MAP4: variants seen among roughly 807,000 people sequenced by gnomAD.
MAP4 encodes microtubule-associated protein 4.
Under a neutral mutation model 170.2 loss-of-function variants are expected in MAP4, and 76 were observed. The observed-to-expected ratio is 0.45, with a 90% CI of 0.37 to 0.54. The LOEUF (loss-of-function observed/expected upper bound fraction) is 0.54. Ranked by LOEUF, MAP4 falls within the 20% of genes least tolerant of loss-of-function variation. The probability of loss-of-function intolerance (pLI) is 0.00; values close to 1 mark genes in which losing one functional copy is unlikely to be tolerated. For synonymous variants in MAP4, 909 were observed against 994.5 expected (o/e 0.91, Z 1.62); for missense variants, 2,506 against 2,748.0 (o/e 0.91, Z 1.97).
intron 17 of MAP4, among the ~76,000 whole-genome samples, chr3:47,858,631 T>C (rs1181803247): frequency 1.3e-5 from 2 of 151,272 alleles, no homozygotes; most frequent in African/African-American, 4.9e-5. Context: ...TGTGTGTGTG[T>C]GTGTGTGTGT....
Position 47,910,142 on chromosome 3 carries a change from T to G in MAP4, c.4279A>C (p.Asn1427His), listed in dbSNP as rs370425325. 2 of 1,613,902 alleles carry G rather than the reference T, an allele frequency of 1.2e-6. No individual in the cohort carries two copies. The highest frequency in any genetic ancestry group is 2.7e-5 in the African/African-American group (2 of 74,930). ...TCPRTPSELI[N>H]KSSPLEVLES... ...AGAACCTCTAGAGGAGATGATTTAT[T>G]TATCAGCTCTGATGGTGTTCTGGGA... Residue 1427 changes from asparagine to histidine, a missense_variant, in exon 9 of 21, where the codon AAT becomes CAT. By Grantham distance (68) the Asn-to-His change is moderately conservative. Coordinates refer to ENST00000683076, the MANE Select transcript of MAP4 (RefSeq NM_001385682.1).
chr3:47,907,173 A>C (rs2100033590), intron 9 of MAP4, among the ~76,000 whole-genome samples: 1 of 152,180 alleles, frequency 6.6e-6, no homozygotes, highest in African/African-American at 2.4e-5. Flanking sequence ...TTAAAAATTA[A>C]GTTTAAAAAG....
At chr3:48,040,525 T>A (rs2100121105) in intron 1 of MAP4, among the ~76,000 whole-genome samples, 1 of 152,184 alleles carries the variant, frequency 6.6e-6, no homozygotes, top group Non-Finnish European at 1.5e-5. Context: ...CGCCTCGGCC[T>A]CCCAAAGTGC....
At chr3:47,963,947 A>G (rs1188654872) in intron 3 of MAP4, among the ~76,000 whole-genome samples, 1 of 152,246 alleles carries the variant, frequency 6.6e-6, no homozygotes, top group Non-Finnish European at 1.5e-5. Context: ...TGAATATATC[A>G]AAGGGAAGAA....
intron 1 of MAP4, among the ~76,000 whole-genome samples, chr3:48,035,801 G>A (rs1401875331): frequency 3.9e-5 from 6 of 151,988 alleles, no homozygotes; most frequent in African/African-American, 1.2e-4. Context: ...TTAGCCAGGT[G>A]TGGTGGCACA....
chr3:48,002,744 G>T (rs947011315), intron 1 of MAP4, among the ~76,000 whole-genome samples: 2 of 132,156 alleles, frequency 1.5e-5, no homozygotes, highest in African/African-American at 5.4e-5. Flanking sequence ...AGCTGGGCGT[G>T]GTATCACATA....
At chr3:47,945,628 A>G (rs1400509963) in intron 3 of MAP4, among the ~76,000 whole-genome samples, 1 of 152,076 alleles carries the variant, frequency 6.6e-6, no homozygotes, top group Non-Finnish European at 1.5e-5. Flanking sequence ...TAAAAGATGC[A>G]ATCTACAAAT....
chr3:47,896,300 C>A (rs1268582125), intron 10 of MAP4, among the ~76,000 whole-genome samples: 1 of 152,110 alleles, frequency 6.6e-6, no homozygotes, highest in Non-Finnish European at 1.5e-5. Flanking sequence ...GAGGCCGAGG[C>A]GGGAGGATCA....
intron 1 of MAP4, among the ~76,000 whole-genome samples, chr3:48,078,596 C>G (rs1559913369): frequency 2.0e-5 from 3 of 152,028 alleles, no homozygotes; most frequent in African/African-American, 2.4e-5. Flanking sequence ...CGTGAATGAC[C>G]TTCTAAAGGT....
intron 1 of MAP4, among the ~76,000 whole-genome samples, chr3:48,060,914 G>A (rs1286367068): frequency 6.6e-6 from 1 of 151,700 alleles, no homozygotes; most frequent in African/African-American, 2.4e-5. Flanking sequence ...GTGCGATCTC[G>A]GCTCACTGCA....
intron 10 of MAP4, among the ~76,000 whole-genome samples, chr3:47,883,102 C>A (rs1450832247): frequency 6.6e-6 from 1 of 151,962 alleles, no homozygotes; most frequent in Non-Finnish European, 1.5e-5. Flanking sequence ...TGAGCCACTG[C>A]GCCCAGCCCT....
In MAP4 at chr3:47,901,442, G is replaced by A. The variant is rs149160568; in HGVS notation, c.5434+1508C>T. ...CAATGTTTATACACTTCAGGAGGCC[G>A]AGGTGGACGGATCACTTGAGCTCAG... On this transcript the variant is annotated intron_variant, in intron 10 of 20. Coordinates refer to ENST00000683076, the MANE Select transcript of MAP4 (RefSeq NM_001385682.1). 3.2e-4 allele frequency among the ~76,000 whole-genome samples: 48 copies of A among 152,270 alleles called. No individual in the cohort carries two copies. In the East Asian group the frequency reaches 7.9e-3, roughly 25 times the overall value.
At chr3:48,076,928 T>C (rs143153080) in intron 1 of MAP4, among the ~76,000 whole-genome samples, 14 of 143,070 alleles carry the variant, frequency 9.8e-5, no homozygotes, top group South Asian at 4.4e-4. Flanking sequence ...AGCAAGAGGA[T>C]TGCTTCAGCC....
chr3:48,051,356 G>A (rs1424638577), intron 1 of MAP4, among the ~76,000 whole-genome samples: 1 of 152,116 alleles, frequency 6.6e-6, no homozygotes, highest in Admixed American at 6.6e-5. Flanking sequence ...AGGCTGCAGT[G>A]AGACAGAGCA....
chr3:47,905,217 C>A (rs2100032261), intron 9 of MAP4, among the ~76,000 whole-genome samples: 1 of 152,104 alleles, frequency 6.6e-6, no homozygotes, highest in Non-Finnish European at 1.5e-5. Context: ...CTACGATAAG[C>A]TAGAAACAGT....
At chr3:47,991,630 G>GCACTC (rs1310732048) in intron 2 of MAP4, among the ~76,000 whole-genome samples, 6 of 152,076 alleles carry the variant, frequency 3.9e-5, no homozygotes, top group Non-Finnish European at 8.8e-5. Context: ...TTGTGCCACT[G>GCACTC]CACTCCAGCC....
chr3:47,857,495 C>G lies in MAP4; in HGVS notation c.6519G>C (p.Lys2173Asn). 6.2e-7 allele frequency: 1 copy of G among 1,613,400 alleles called. No individual in the cohort carries two copies. Among genetic ancestry groups the G allele is most frequent in the Non-Finnish European group, 8.5e-7 (1 of 1,179,530 alleles). The change falls in exon 18 of 21, where the codon AAG becomes AAC. Residue 2173 changes from lysine to asparagine, a missense_variant. Physicochemically the swap from Lys to Asn is moderately conservative, Grantham distance 94. This residue lies in a region of MAP4 where 487 missense variants were observed against 511.6 expected (regional missense o/e 0.95). Coordinates refer to ENST00000683076, the MANE Select transcript of MAP4 (RefSeq NM_001385682.1). ...PGGGNVQIQN[K>N]KVDISKVSSK... ...AGGAGACCTTAGAGATGTCCACTTT[C>G]TTGTTCTGAATCTGAACCTGAAGAG...
At chr3:47,862,845 T>A (rs2070102375) in intron 17 of MAP4, among the ~76,000 whole-genome samples, 1 of 152,150 alleles carries the variant, frequency 6.6e-6, no homozygotes, top group South Asian at 2.1e-4. Flanking sequence ...GATAGGCATA[T>A]ACAGATAAAC....
intron 2 of MAP4, among the ~76,000 whole-genome samples, chr3:47,987,782 G>A (rs2100089698): frequency 1.3e-5 from 2 of 152,108 alleles, no homozygotes. Context: ...GCAACATCAA[G>A]GCCTTATACT....
Sources: gnomAD v4.1 joint callset for allele counts (sites outside exome capture counted in the v4.1 genomes callset) on GRCh38, gnomAD v4.1.1 for gene constraint, gnomAD v4.1.1 regional missense constraint, MANE v1.5 for transcripts, NCBI Gene and HGNC (gene_info 2026-07-23, HGNC 2026-07-21) for gene names.